The following METTL24 variants were observed in gnomAD, a reference collection of about 807,000 sequenced individuals.
The protein encoded by METTL24 is probable methyltransferase-like protein 24.
Under a neutral mutation model 32.7 loss-of-function variants are expected in METTL24, and 29 were observed. The observed-to-expected ratio is 0.89, with a 90% confidence interval of 0.66 to 1.21. The LOEUF is 1.21. METTL24 is among the 50% of genes most tolerant of loss of function. The pLI is 0.00. For missense variants in METTL24, 439 were observed against 468.1 expected (o/e 0.94, Z 0.57); for synonymous variants, 163 against 179.5 (o/e 0.91, Z 0.73).
chr6:110,303,532 G>A (rs1465812924), intron 3 of METTL24, among the ~76,000 whole-genome samples: 2 of 152,216 alleles, frequency 1.3e-5, no homozygotes, highest in East Asian at 3.9e-4. Context: ...CCCTCACAGT[G>A]TAAACAAAGC....
At chr6:110,322,660 C>T (rs1771948069) in intron 2 of METTL24, 114 bp downstream of exon 2, 3 of 750,842 alleles carry the variant, frequency 4.0e-6, no homozygotes, top group Non-Finnish European at 4.4e-6. Flanking sequence ...GAACACACTT[C>T]CCCATCAAGT....
At chr6:110,330,680 G>C (rs752744382) in intron 1 of METTL24, among the ~76,000 whole-genome samples, 8 of 152,144 alleles carry the variant, frequency 5.3e-5, no homozygotes, top group Non-Finnish European at 1.0e-4. Context: ...GATACACATG[G>C]GACAGAGGTG....
In METTL24 at chr6:110,315,373, G is replaced by A. The variant is rs778811148; in HGVS notation, c.526C>T (p.Arg176Cys). ...DDRFNLAHQIRNKQCRLYSLG... is the reference protein window; with the variant it reads ...DDRFNLAHQICNKQCRLYSLG... ...GAGTAGAGGCGGCACTGCTTGTTGC[G>A]GATTTGATGAGCTAAATTGAACCTG... Residue 176 changes from arginine to cysteine, a missense_variant, in exon 3 of 5, where the codon CGC becomes TGC. Arg to Cys is a radical substitution (Grantham distance 180). Coordinates refer to ENST00000338882, the MANE Select transcript of METTL24 (RefSeq NM_001123364.3). 5.8e-5 allele frequency: 93 copies of A among 1,614,018 alleles called. 1 individual carries two copies. The highest frequency in any genetic ancestry group is 4.9e-4 in the Middle Eastern group (3 of 6,084).
At chr6:110,258,622 C>G (rs886260909) in intron 4 of METTL24, among the ~76,000 whole-genome samples, 13 of 152,002 alleles carry the variant, frequency 8.6e-5, no homozygotes, top group Admixed American at 3.3e-4. Context: ...CTCACAGGTT[C>G]TGGGTTATGG....
At chr6:110,291,594 G>A (rs549582618) in intron 4 of METTL24, among the ~76,000 whole-genome samples, 2 of 152,006 alleles carry the variant, frequency 1.3e-5, no homozygotes, top group South Asian at 4.2e-4. Context: ...TTGTTATATA[G>A]ATAAACCTGT....
chr6:110,254,207 G>A (rs1387553057), intron 4 of METTL24: 1 of 320,762 alleles, frequency 3.1e-6, no homozygotes, highest in East Asian at 5.1e-5. Flanking sequence ...AACAAACTGG[G>A]CAACTAAGTT....
intron 3 of METTL24, 137 bp downstream of exon 3, chr6:110,315,205 A>T: frequency 1.0e-6 from 1 of 998,238 alleles, no homozygotes; most frequent in Non-Finnish European, 1.5e-6. Context: ...CAGACAGATC[A>T]GTCTGAAATG....
intron 1 of METTL24, among the ~76,000 whole-genome samples, chr6:110,346,815 T>C (rs1772485642): frequency 6.6e-6 from 1 of 152,210 alleles, no homozygotes; most frequent in South Asian, 2.1e-4. Context: ...ATCAATCCTT[T>C]TTTTCAATCA....
intron 4 of METTL24, among the ~76,000 whole-genome samples, chr6:110,274,497 G>A (rs930333398): frequency 1.3e-5 from 2 of 152,024 alleles, no homozygotes; most frequent in Non-Finnish European, 2.9e-5. Flanking sequence ...ATGAACTTTG[G>A]GGACTCAGGA....
intron 4 of METTL24, among the ~76,000 whole-genome samples, chr6:110,257,366 C>T (rs1044074056): frequency 1.3e-5 from 2 of 152,152 alleles, no homozygotes; most frequent in Non-Finnish European, 2.9e-5. Context: ...ACAGTAGAAG[C>T]TTACCACATA....
chr6:110,285,463 T>C (rs1017108150), intron 4 of METTL24, among the ~76,000 whole-genome samples: 6 of 152,152 alleles, frequency 3.9e-5, no homozygotes, highest in Non-Finnish European at 8.8e-5. Flanking sequence ...TTCATGGGTG[T>C]GTCTGTTATG....
chr6:110,275,250 T>G (rs1308807473), intron 4 of METTL24, among the ~76,000 whole-genome samples: 2 of 152,094 alleles, frequency 1.3e-5, no homozygotes, highest in Admixed American at 6.6e-5. Context: ...TGCATATGAA[T>G]CTGAATGCCT....
intron 4 of METTL24, among the ~76,000 whole-genome samples, chr6:110,293,470 A>C (rs982421421): frequency 2.0e-5 from 3 of 151,890 alleles, no homozygotes; most frequent in Non-Finnish European, 4.4e-5. Context: ...ATAGTTTTTC[A>C]TTAGATTATC....
chr6:110,254,025 C>A, intron 4 of METTL24: 2 of 1,194,100 alleles, frequency 1.7e-6, no homozygotes, highest in Non-Finnish European at 2.1e-6. Flanking sequence ...TGGAATCCCT[C>A]ACAAATTTGC....
chr6:110,246,618 A>C (rs1223434875), intron 4 of METTL24, among the ~76,000 whole-genome samples: 1 of 152,188 alleles, frequency 6.6e-6, no homozygotes, highest in African/African-American at 2.4e-5. Context: ...ACCAGGCAAA[A>C]ATCACAACAG....
chr6:110,338,951 C>G (rs559682257), intron 1 of METTL24, among the ~76,000 whole-genome samples: 126 of 152,282 alleles, frequency 8.3e-4, no homozygotes, highest in African/African-American at 2.9e-3. Flanking sequence ...CAGTGTTTGT[C>G]ATGGGAGGTT....
intron 4 of METTL24, among the ~76,000 whole-genome samples, chr6:110,264,588 G>C (rs1770817584): frequency 1.3e-5 from 2 of 152,148 alleles, no homozygotes. Context: ...TCTAGAACTA[G>C]AAATACCATT....
intron 4 of METTL24, among the ~76,000 whole-genome samples, chr6:110,289,697 G>A (rs1223276372): frequency 2.6e-5 from 4 of 152,084 alleles, no homozygotes; most frequent in African/African-American, 9.7e-5. Flanking sequence ...AAATGGATAA[G>A]AAAACATGGA....
intron 1 of METTL24, chr6:110,357,566 C>G (rs1445781231): frequency 6.5e-6 from 1 of 153,234 alleles, no homozygotes; most frequent in Admixed American, 6.5e-5. Context: ...AGCAGCACAG[C>G]ACATCAATGG....
Sources: gnomAD v4.1 joint callset for allele counts (sites outside exome capture counted in the v4.1 genomes callset) on GRCh38, gnomAD v4.1.1 for gene constraint, MANE v1.5 for transcripts, NCBI Gene and HGNC (gene_info 2026-07-23, HGNC 2026-07-21) for gene names.